The following VIPR2 variants were observed in gnomAD, a reference collection of about 807,000 sequenced individuals.
VIPR2 encodes vasoactive intestinal polypeptide receptor 2.
Under a neutral mutation model 58.0 loss-of-function variants are expected in VIPR2, and 48 were observed. The observed-to-expected ratio is 0.83, with a 90% CI of 0.66 to 1.05. The LOEUF (loss-of-function observed/expected upper bound fraction) is 1.05. Ranked by LOEUF, VIPR2 falls within the 50% of genes least tolerant of loss-of-function variation. VIPR2 has a pLI of 0.00. For synonymous variants in VIPR2, 243 were observed against 235.2 expected (o/e 1.03, Z -0.30); for missense variants, 534 against 558.0 (o/e 0.96, Z 0.43).
At chr7:159,059,834 A>G (rs1253832786) in intron 4 of VIPR2, among the ~76,000 whole-genome samples, 4 of 149,884 alleles carry the variant, frequency 2.7e-5, no homozygotes, top group Non-Finnish European at 5.9e-5. Context: ...TACCACCCTC[A>G]CCTCACCTAA....
chr7:159,034,599 C>G lies in VIPR2; in HGVS notation c.861G>C (p.Pro287=), dbSNP rs143405207. ...HSVPWWVIRI[P]ILISIIVNFV... Reference sequence around the variant, plus strand: ...TACTTACGATGATGGAAATTAAAATCGGTATTCGTATGACCCACCAGGGCA... The same window carrying G: ...TACTTACGATGATGGAAATTAAAATGGGTATTCGTATGACCCACCAGGGCA... Residue 287 remains proline (P), a synonymous_variant, in exon 9 of 13, where the codon CCG becomes CCC. Coordinates refer to ENST00000262178, the MANE Select transcript of VIPR2 (RefSeq NM_003382.5). 1 of 1,613,800 alleles carries G rather than the reference C, an allele frequency of 6.2e-7. No individual in the cohort carries two copies. The highest frequency in any genetic ancestry group is 1.1e-5 in the South Asian group (1 of 91,036).
chr7:159,119,707 C>G (rs1242660189), intron 2 of VIPR2, among the ~76,000 whole-genome samples: 1 of 152,228 alleles, frequency 6.6e-6, no homozygotes, highest in African/African-American at 2.4e-5. Flanking sequence ...TCCCCAGCCT[C>G]CACACAGCAT....
intron 8 of VIPR2, 193 bp downstream of exon 8, chr7:159,035,759 G>A (rs1038494642): frequency 5.7e-5 from 56 of 985,258 alleles, no homozygotes; most frequent in African/African-American, 2.6e-4. Context: ...TCTCCTGCAC[G>A]GGGCTTCCTC....
In VIPR2 at chr7:159,127,765, TG is replaced by T. The variant is rs1796708296; in HGVS notation, c.151+14680del. On this transcript the variant is annotated intron_variant, in intron 2 of 12. Transcript: ENST00000262178. This position sits in a 1 kb window ranked among gnomAD's most constrained non-coding sequence, Gnocchi z 4.6. ...CAGATGTTTGCTGTTATTACCTTCA[TG>T]GACAGCCAGTGCTTCCTTCCACGTC... Among the ~76,000 whole-genome samples the T allele has an allele frequency of 6.6e-6, 1 of 152,244 alleles. No homozygotes were observed. Among genetic ancestry groups the T allele is most frequent in the Non-Finnish European group, 1.5e-5 (1 of 68,046 alleles).
In VIPR2 at chr7:159,061,647, T is replaced by C. The variant is rs371798919; in HGVS notation, c.358-3069A>G. Among the ~76,000 whole-genome samples, 50 of 150,388 alleles carry C rather than the reference T, an allele frequency of 3.3e-4. 1 individual carries two copies. The East Asian group carries it at 8.4e-3, about 25-fold the overall frequency. On this transcript the variant is annotated intron_variant, in intron 4 of 12. Transcript: ENST00000262178. ...CAGCCTGGGTGACAGAGCGAGGACC[T>C]GTCGCAAAAAAAAAAGTTAAAAAAA...
chr7:159,083,538 G>A (rs983875980), intron 4 of VIPR2, among the ~76,000 whole-genome samples: 1 of 152,108 alleles, frequency 6.6e-6, no homozygotes, highest in Non-Finnish European at 1.5e-5. Flanking sequence ...CACACAGCAC[G>A]CGGGTTCAAC....
At position 159,034,660 on chromosome 7, in the gene VIPR2, A is replaced by G. The variant is rs1285604226; in HGVS notation, c.810-10T>C. 6.2e-7 allele frequency: 1 copy of G among 1,613,122 alleles called. No individual in the cohort carries two copies. The highest frequency in any genetic ancestry group is 1.7e-5 in the Admixed American group (1 of 60,016). On this transcript the variant is annotated splice_polypyrimidine_tract_variant and intron_variant, in intron 8 of 12. Transcript: ENST00000262178. The stretch of plus-strand genomic sequence containing the variant: ...GTTTGTATCCCAGCAACTGTCAGAG[A>G]GAGATGGGAAATCAGGTTACCACCA...
chr7:159,055,308 G>A (rs541439172), intron 5 of VIPR2, among the ~76,000 whole-genome samples: 1 of 152,304 alleles, frequency 6.6e-6, no homozygotes, highest in South Asian at 2.1e-4. Context: ...CAGGAGAGAG[G>A]TGGGGTAGAC....
intron 2 of VIPR2, among the ~76,000 whole-genome samples, chr7:159,113,979 C>A (rs1796141779): frequency 6.6e-6 from 1 of 152,158 alleles, no homozygotes; most frequent in South Asian, 2.1e-4. Flanking sequence ...GGGCCGGAGA[C>A]TATTATCTTC....
chr7:159,062,685 G>T (rs1339420511), intron 4 of VIPR2, among the ~76,000 whole-genome samples: 1 of 124,638 alleles, frequency 8.0e-6, no homozygotes, highest in Non-Finnish European at 1.9e-5. Flanking sequence ...ATTTACTGCA[G>T]CAAGATTTAT....
At chr7:159,121,394 C>T (rs73169265) in intron 2 of VIPR2, among the ~76,000 whole-genome samples, 1,750 of 152,286 alleles carry the variant, frequency 0.011, 11 homozygotes, top group Non-Finnish European at 0.018. Flanking sequence ...CAGGACACCA[C>T]TTCTGAGTCC....
intron 4 of VIPR2, among the ~76,000 whole-genome samples, chr7:159,069,732 T>C (rs180941242): frequency 1.3e-5 from 2 of 152,308 alleles, no homozygotes; most frequent in Admixed American, 6.5e-5. Context: ...TGCTCCATTT[T>C]TCCCCCCAAA....
At position 159,101,101 on chromosome 7, in the gene VIPR2, C is replaced by A. The variant is rs541686606; in HGVS notation, c.357+2656G>T. ...TGGTAGTGAACGGGTCTCACGAGAT[C>A]CGACGAGGCGGTTCCGACTGTTCCT... On this transcript the variant is annotated intron_variant, in intron 4 of 12. Transcript: ENST00000262178. Among the ~76,000 whole-genome samples the A allele has an allele frequency of 6.8e-5, 10 of 146,858 alleles. No homozygotes were observed. The South Asian group carries it at 2.0e-3, about 29-fold the overall frequency.
intron 4 of VIPR2, among the ~76,000 whole-genome samples, chr7:159,088,626 A>C (rs1857314445): frequency 6.6e-6 from 1 of 152,254 alleles, no homozygotes; most frequent in Non-Finnish European, 1.5e-5. Flanking sequence ...AGTGTCTCAC[A>C]AGTTGGACTA....
chr7:159,040,884 C>T (rs1235489695), intron 6 of VIPR2, among the ~76,000 whole-genome samples: 1 of 152,208 alleles, frequency 6.6e-6, no homozygotes, highest in African/African-American at 2.4e-5. Context: ...GTCCTCTGTC[C>T]CTTCCCTCCT....
intron 4 of VIPR2, among the ~76,000 whole-genome samples, chr7:159,084,494 A>G (rs566964723): frequency 2.3e-3 from 346 of 152,154 alleles, no homozygotes; most frequent in African/African-American, 8.0e-3. Flanking sequence ...GAGTGGCACA[A>G]TGTGTCCCCT....
chr7:159,060,843 T>C (rs1855606334), intron 4 of VIPR2, among the ~76,000 whole-genome samples: 1 of 152,248 alleles, frequency 6.6e-6, no homozygotes, highest in African/African-American at 2.4e-5. Context: ...AGCAGTTTGC[T>C]GATTTCTCAA....
Position 159,092,992 on chromosome 7 carries a change from G to T in VIPR2, c.357+10765C>A, listed in dbSNP as rs560683522. Among the ~76,000 whole-genome samples, 3 of 152,292 alleles carry T rather than the reference G, an allele frequency of 2.0e-5. No individual in the cohort carries two copies. In the South Asian group the frequency reaches 6.2e-4, roughly 32 times the overall value. The stretch of plus-strand genomic sequence containing the variant: ...ACCCACACACGCATGTGAGTGTGCA[G>T]CCTCTCCGGGGAGAGTGGGTGACCT... On this transcript the variant is annotated intron_variant, in intron 4 of 12. Coordinates refer to ENST00000262178, the MANE Select transcript of VIPR2 (RefSeq NM_003382.5).
intron 8 of VIPR2, 136 bp from the exon 9 acceptor site, chr7:159,034,786 G>T: frequency 1.4e-6 from 1 of 709,928 alleles, no homozygotes; most frequent in Non-Finnish European, 2.6e-6. Flanking sequence ...CTGACAGATC[G>T]TAAAGGAATC....
Sources: allele counts gnomAD v4.1 joint callset (sites outside exome capture counted in the v4.1 genomes callset), GRCh38; gene constraint gnomAD v4.1.1; non-coding constraint Gnocchi (gnomAD v3.1); transcripts MANE v1.5; gene names NCBI Gene and HGNC (gene_info 2026-07-23, HGNC 2026-07-21).